Variants in PARD3B observed in about 807,000 individuals in gnomAD.
The protein encoded by PARD3B is par-3 family cell polarity regulator beta, also known as partitioning defective 3 homolog B.
In PARD3B, 103 loss-of-function variants were observed where a neutral mutation model predicts 130.2. The observed-to-expected ratio is 0.79, with a 90% confidence interval of 0.67 to 0.93. The LOEUF (loss-of-function observed/expected upper bound fraction) is 0.93, where lower values mean the gene tolerates loss of function less well. Ranked by LOEUF, PARD3B falls within the 40% of genes least tolerant of loss-of-function variation. The pLI is 0.00. For synonymous variants in PARD3B, 583 were observed against 553.2 expected, an observed-to-expected ratio of 1.05 and a Z score of -0.76; for missense variants, 1,609 against 1,499.2, an observed-to-expected ratio of 1.07 and a Z score of -1.21.
intron 22 of PARD3B, among the ~76,000 whole-genome samples, chr2:205,581,822 G>T (rs980911275): frequency 2.0e-5 from 3 of 152,078 alleles, no homozygotes; most frequent in African/African-American, 7.2e-5. Context: ...TAAAAAGATG[G>T]TGGAAGTAGG....
intron 20 of PARD3B, among the ~76,000 whole-genome samples, chr2:205,452,813 A>G (rs1279747998): frequency 2.0e-5 from 3 of 152,190 alleles, no homozygotes; most frequent in Non-Finnish European, 2.9e-5. Context: ...GAGCTAGGCA[A>G]AGAGGGTTTG....
Position 204,545,863 on chromosome 2 carries a change from G to C in PARD3B, c.-137G>C. 1.0e-6 allele frequency: 1 copy of C among 959,054 alleles called. No individual in the cohort carries two copies. The allele number at this position is 959,054 out of a possible 1,614,324, so 59.4% of individuals were successfully genotyped here. Reference sequence around the variant, plus strand: ...GGAAGGGGCGCTGCCGCGAGCCTCCGGGCCTCAGGGTGTTCCGGGGAGCGG... The same window carrying C: ...GGAAGGGGCGCTGCCGCGAGCCTCCCGGCCTCAGGGTGTTCCGGGGAGCGG... On this transcript the variant is annotated 5_prime_UTR_variant, in exon 1 of 23. Coordinates refer to ENST00000406610, the MANE Select transcript of PARD3B (RefSeq NM_001302769.2).
At position 204,799,610 on chromosome 2, in the gene PARD3B, G is replaced by A. The variant is rs546187420; in HGVS notation, c.222+113328G>A. On this transcript the variant is annotated intron_variant, in intron 2 of 22. Coordinates refer to ENST00000406610, the MANE Select transcript of PARD3B (RefSeq NM_001302769.2). This position sits in a 1 kb window ranked among gnomAD's most constrained non-coding sequence, Gnocchi z 4.1. ...GGTGTGACACAATGCAGACTCAGTGGTGGTGGCCACAGGTGTGCTCATGTT... is the reference window on the plus strand; with the variant it reads ...GGTGTGACACAATGCAGACTCAGTGATGGTGGCCACAGGTGTGCTCATGTT... Among the ~76,000 whole-genome samples, 1 of 152,182 alleles carries A rather than the reference G, an allele frequency of 6.6e-6. No homozygotes were observed. Among genetic ancestry groups the A allele is most frequent in the African/African-American group, 2.4e-5 (1 of 41,452 alleles).
rs142715449 is a variant in PARD3B at position 205,523,553 on chromosome 2, A to AAAAT, written c.3180+23529_3180+23532dup. Among the ~76,000 whole-genome samples the AAAAT allele has an allele frequency of 6.1e-3, 931 of 152,236 alleles. 5 individuals carry two copies. Among genetic ancestry groups the AAAAT allele is most frequent in the Middle Eastern group, 0.02 (6 of 294 alleles). On this transcript the variant is annotated intron_variant, in intron 21 of 22. Coordinates refer to ENST00000406610, the MANE Select transcript of PARD3B (RefSeq NM_001302769.2). Reference sequence around the variant, plus strand: ...CTATTTTCTCTATCAGTCAACATCAAAAATAAATAATCTTTTGAGTACCTT... The same window carrying AAAAT: ...CTATTTTCTCTATCAGTCAACATCAAAAATAAATAAATAATCTTTTGAGTACCTT...
At chr2:204,746,223 C>T (rs1273300778) in intron 2 of PARD3B, among the ~76,000 whole-genome samples, 1 of 147,428 alleles carries the variant, frequency 6.8e-6, no homozygotes, top group East Asian at 2.0e-4. Flanking sequence ...TGAGTGAGAA[C>T]ATGCAGTGTT....
chr2:204,690,213 C>T (rs1250696675), intron 2 of PARD3B, among the ~76,000 whole-genome samples: 4 of 152,012 alleles, frequency 2.6e-5, no homozygotes, highest in Non-Finnish European at 5.9e-5. Context: ...GAAGTCTAAC[C>T]ACCATATGCA....
chr2:205,015,194 A>C lies in PARD3B; in HGVS notation c.395-32387A>C, dbSNP rs1324154125. ...TGTATTTTTATGTATTCTTACAATA[A>C]AGTAAGCTAGAGGAAAGAAAAAATT... is the stretch of plus-strand genomic sequence containing the variant. On this transcript the variant is annotated intron_variant, in intron 3 of 22. Coordinates refer to ENST00000406610, the MANE Select transcript of PARD3B (RefSeq NM_001302769.2). This position sits in a 1 kb window ranked among gnomAD's most constrained non-coding sequence, Gnocchi z 4.5. Among the ~76,000 whole-genome samples the C allele has an allele frequency of 6.6e-6, 1 of 152,198 alleles. No homozygotes were observed. The highest frequency in any genetic ancestry group is 1.9e-4 in the East Asian group (1 of 5,190).
chr2:204,655,741 C>T (rs2035616980), intron 1 of PARD3B, among the ~76,000 whole-genome samples: 1 of 152,006 alleles, frequency 6.6e-6, no homozygotes, highest in Non-Finnish European at 1.5e-5. Context: ...AGGAGGTCAG[C>T]ATATATATCT....
intron 21 of PARD3B, among the ~76,000 whole-genome samples, chr2:205,512,234 C>T (rs1172780653): frequency 2.0e-5 from 3 of 152,136 alleles, no homozygotes; most frequent in Admixed American, 2.0e-4. Context: ...GCCTTGAAAT[C>T]ACAGTGCTAA....
intron 22 of PARD3B, among the ~76,000 whole-genome samples, chr2:205,578,514 A>G (rs1249769538): frequency 6.6e-6 from 1 of 152,214 alleles, no homozygotes; most frequent in African/African-American, 2.4e-5. Context: ...ACACAAGCAA[A>G]TGAAGGTATA....
chr2:204,968,875 C>T (rs145008466), intron 3 of PARD3B, among the ~76,000 whole-genome samples: 6 of 152,294 alleles, frequency 3.9e-5, no homozygotes, highest in East Asian at 1.9e-4. Flanking sequence ...ATTTTTAATT[C>T]GTAAGATGAG....
rs143677779 is a variant in PARD3B, at chr2:205,055,223, A to G, written c.504+7533A>G. ...CTAATAACTGTTCAAAACATTTAGA[A>G]AGGTCTTGATTAGAAGTTTCTGGAT... is the stretch of plus-strand genomic sequence containing the variant. On this transcript the variant is annotated intron_variant, in intron 4 of 22. Transcript: ENST00000406610. Among the ~76,000 whole-genome samples the G allele has an allele frequency of 2.0e-5, 3 of 152,310 alleles. 1 individual carries two copies. The East Asian group carries it at 5.8e-4, about 29-fold the overall frequency.
intron 1 of PARD3B, among the ~76,000 whole-genome samples, chr2:204,561,850 G>GC (rs2031336784): frequency 6.6e-6 from 1 of 151,950 alleles, no homozygotes; most frequent in Non-Finnish European, 1.5e-5. Flanking sequence ...ACCAGCCTCG[G>GC]GCTCCCAAAG....
intron 2 of PARD3B, among the ~76,000 whole-genome samples, chr2:204,809,998 C>A (rs528785129): frequency 3.2e-4 from 49 of 152,060 alleles, no homozygotes; most frequent in Non-Finnish European, 6.0e-4. Flanking sequence ...CTTTTGGTGG[C>A]AATTGTGAAT....
intron 1 of PARD3B, among the ~76,000 whole-genome samples, chr2:204,600,701 TAGA>T (rs1263948654): frequency 2.6e-5 from 4 of 151,912 alleles, no homozygotes; most frequent in Admixed American, 6.6e-5. Flanking sequence ...TATCCTAAAG[TAGA>T]AGTGATAAGG....
At chr2:205,103,445 TA>T (rs551354250) in intron 4 of PARD3B, among the ~76,000 whole-genome samples, 3 of 150,914 alleles carry the variant, frequency 2.0e-5, no homozygotes, top group African/African-American at 7.3e-5. Context: ...AAATAAAAAT[TA>T]AAAAAAGATA....
At chr2:205,293,889 A>G (rs1659901895) in intron 16 of PARD3B, 1 of 152,120 alleles carries the variant, frequency 6.6e-6, no homozygotes, top group African/African-American at 2.4e-5. Context: ...TGAGGATAGA[A>G]AAATCAATAA....
intron 16 of PARD3B, among the ~76,000 whole-genome samples, chr2:205,261,155 T>C (rs991232547): frequency 6.6e-6 from 1 of 152,174 alleles, no homozygotes. Context: ...GATCTATTTG[T>C]GGCATGTGAG....
intron 22 of PARD3B, among the ~76,000 whole-genome samples, chr2:205,578,430 C>A (rs764328924): frequency 1.3e-5 from 2 of 152,040 alleles, no homozygotes; most frequent in African/African-American, 4.8e-5. Flanking sequence ...TAAGAAGTTA[C>A]GACAGACACA....
Sources: gnomAD v4.1 joint callset for allele counts (sites outside exome capture counted in the v4.1 genomes callset) on GRCh38, gnomAD v4.1.1 for gene constraint, Gnocchi (gnomAD v3.1) non-coding constraint, MANE v1.5 for transcripts, NCBI Gene and HGNC (gene_info 2026-07-23, HGNC 2026-07-21) for gene names.